Variants in HAAO observed in about 807,000 individuals in gnomAD.
HAAO encodes 3-hydroxyanthranilate oxygenase.
HAAO carries 49 observed loss-of-function variants against 46.2 expected under a neutral mutation model. The ratio of observed to expected loss-of-function variants is 1.06; its 90% CI spans 0.84 to 1.34. HAAO has a LOEUF of 1.34. HAAO is among the 40% of genes most tolerant of loss of function. The probability of loss-of-function intolerance (pLI) is 0.00; values close to 1 mark genes in which losing one functional copy is unlikely to be tolerated. For synonymous variants in HAAO, 157 were observed against 145.2 expected, an observed-to-expected ratio of 1.08 and a Z score of -0.58; for missense variants, 408 against 364.5, an observed-to-expected ratio of 1.12 and a Z score of -0.97.
At chr2:42,768,942 T>C (rs1034778728) in intron 7 of HAAO, among the ~76,000 whole-genome samples, 6 of 152,196 alleles carry the variant, frequency 3.9e-5, no homozygotes, top group Non-Finnish European at 8.8e-5. Context: ...CTGAAACAGC[T>C]CATGCTCATG....
chr2:42,786,023 G>C (rs1672359980), intron 2 of HAAO, among the ~76,000 whole-genome samples: 1 of 91,398 alleles, frequency 1.1e-5, no homozygotes, highest in Non-Finnish European at 2.8e-5. Context: ...GTGTGTGTGT[G>C]TGTGTGTGTG....
In HAAO at chr2:42,767,198, G is replaced by A; in HGVS notation, c.*239C>T. ...AGCGGGGCCGGGGGTAGACCACCTG[G>A]CAAGACTGGCAAGGCAGTGGGCTGA... On this transcript the variant is annotated 3_prime_UTR_variant, in exon 10 of 10. Transcript: ENST00000294973. 1.7e-6 allele frequency: 1 copy of A among 598,380 alleles called. No individual in the cohort carries two copies. The highest frequency in any genetic ancestry group is 1.9e-5 in the South Asian group (1 of 52,060). The allele number at this position is 598,380 out of a possible 1,614,324, so 37.1% of individuals were successfully genotyped here.
intron 2 of HAAO, 78 bp downstream of exon 2, chr2:42,788,451 G>C (rs1672551036): frequency 3.4e-6 from 3 of 891,798 alleles, no homozygotes; most frequent in African/African-American, 1.6e-5. Flanking sequence ...TCTGGGCCTC[G>C]AGTGGGAAGC....
intron 4 of HAAO, among the ~76,000 whole-genome samples, chr2:42,780,693 GTTGCTGA>G (rs1348852087): frequency 6.6e-6 from 1 of 151,982 alleles, no homozygotes; most frequent in Non-Finnish European, 1.5e-5. Flanking sequence ...TGCTTTAAAT[GTTGCTGA>G]TCCTTTGTTT....
intron 4 of HAAO, 24 bp downstream of exon 4, chr2:42,783,290 C>G (rs761194600): frequency 9.0e-5 from 129 of 1,428,822 alleles, no homozygotes; most frequent in Non-Finnish European, 1.2e-4. Flanking sequence ...CTTTCTCTGC[C>G]CCAGCCCTCC....
chr2:42,792,483 G>C lies in HAAO; in HGVS notation c.54C>G (p.Phe18Leu). The C allele has an allele frequency of 6.3e-7, 1 of 1,591,616 alleles. No individual in the cohort carries two copies. The change falls in exon 1 of 10, where the codon TTC becomes TTG. Residue 18 changes from phenylalanine (F) to leucine (L), a missense_variant. Physicochemically the swap from Phe to Leu is conservative, Grantham distance 22 (BLOSUM62 0). Coordinates refer to ENST00000294973, the MANE Select transcript of HAAO (RefSeq NM_012205.3). ...RAWVKENRGS[F>L]QPPVCNKLMH... ...TGAGCTTGTTGCAGACCGGGGGCTG[G>C]AAGGAGCCCCGGTTCTCCTTCACCC... is the stretch of plus-strand genomic sequence containing the variant.
chr2:42,786,562 G>A (rs980928625), intron 2 of HAAO, among the ~76,000 whole-genome samples: 1 of 152,162 alleles, frequency 6.6e-6, no homozygotes. Flanking sequence ...CACCAGACAG[G>A]GGCTGTTGTC....
chr2:42,790,573 C>G lies in HAAO; in HGVS notation c.80+1884G>C, dbSNP rs1331641887. On this transcript the variant is annotated intron_variant, in intron 1 of 9. Coordinates refer to ENST00000294973, the MANE Select transcript of HAAO (RefSeq NM_012205.3). The stretch of plus-strand genomic sequence containing the variant: ...TTTCAGATAGAGTCTTGCTTGCCAC[C>G]CAGGCTGGAATGCAGTGGCACAACT... Among the ~76,000 whole-genome samples, 7 of 151,510 alleles carry G rather than the reference C, an allele frequency of 4.6e-5. No homozygotes were observed. In the East Asian group the frequency reaches 1.4e-3, roughly 29 times the overall value.
At chr2:42,783,956 C>T (rs1363049587) in intron 2 of HAAO, 89 bp from the exon 3 acceptor site, 2 of 1,540,694 alleles carry the variant, frequency 1.3e-6, no homozygotes, top group African/African-American at 2.8e-5. Flanking sequence ...GACCGGGAAA[C>T]CTGAGAAACT....
intron 4 of HAAO, among the ~76,000 whole-genome samples, chr2:42,771,495 G>A (rs1016239965): frequency 6.6e-6 from 1 of 151,858 alleles, no homozygotes; most frequent in African/African-American, 2.4e-5. Flanking sequence ...CCCCAGTTTA[G>A]GGGTTCTTCT....
At chr2:42,772,042 C>G (rs959529597) in intron 4 of HAAO, among the ~76,000 whole-genome samples, 2 of 152,188 alleles carry the variant, frequency 1.3e-5, no homozygotes, top group Non-Finnish European at 2.9e-5. Context: ...TTGAGGACAC[C>G]ATCCTCTCCA....
intron 2 of HAAO, among the ~76,000 whole-genome samples, chr2:42,786,749 C>T (rs1225562787): frequency 6.6e-6 from 1 of 152,122 alleles, no homozygotes; most frequent in African/African-American, 2.4e-5. Flanking sequence ...GTAGGTGGCG[C>T]TGGGGAGTGG....
chr2:42,767,693 A>G lies in HAAO; in HGVS notation c.700-16T>C. The G allele has an allele frequency of 6.4e-7, 1 of 1,570,842 alleles. No individual in the cohort carries two copies. Among genetic ancestry groups the G allele is most frequent in the Non-Finnish European group, 8.7e-7 (1 of 1,155,048 alleles). On this transcript the variant is annotated splice_polypyrimidine_tract_variant and intron_variant, in intron 8 of 9. Transcript: ENST00000294973. Reference sequence around the variant, plus strand: ...AGGAGCCCTCCTGGAGAAGAGGAGCAGGAGAATCAAATGGAGACTGTTGGG... The same window carrying G: ...AGGAGCCCTCCTGGAGAAGAGGAGCGGGAGAATCAAATGGAGACTGTTGGG...
At chr2:42,780,001 C>T (rs1032696807) in intron 4 of HAAO, among the ~76,000 whole-genome samples, 3 of 152,040 alleles carry the variant, frequency 2.0e-5, no homozygotes, top group Middle Eastern at 3.2e-3. Context: ...CTCCTATAAT[C>T]CTGATAAAAC....
chr2:42,785,566 T>G (rs1369644117), intron 2 of HAAO, among the ~76,000 whole-genome samples: 1 of 152,140 alleles, frequency 6.6e-6, no homozygotes, highest in Admixed American at 6.5e-5. Context: ...TTTACTTTCC[T>G]TATTAAAAAA....
chr2:42,789,980 G>A (rs1260308322), intron 1 of HAAO, among the ~76,000 whole-genome samples: 1 of 152,202 alleles, frequency 6.6e-6, no homozygotes, highest in Non-Finnish European at 1.5e-5. Context: ...GGAAGGGGAG[G>A]CGCTGGGTCT....
intron 4 of HAAO, among the ~76,000 whole-genome samples, chr2:42,777,167 G>C (rs1190612058): frequency 1.3e-5 from 2 of 151,700 alleles, no homozygotes. Context: ...GCTGGGTGTG[G>C]TTGTGGGCGC....
intron 4 of HAAO, among the ~76,000 whole-genome samples, chr2:42,777,355 G>A (rs974750433): frequency 1.4e-5 from 2 of 140,582 alleles, no homozygotes; most frequent in East Asian, 4.1e-4. Context: ...GAATGTGAAA[G>A]TCTAAGATAG....
chr2:42,773,584 T>C (rs1048128743), intron 4 of HAAO, among the ~76,000 whole-genome samples: 1 of 84,934 alleles, frequency 1.2e-5, no homozygotes, highest in Non-Finnish European at 2.7e-5. Context: ...CTACCCCCTA[T>C]TTTTTTTTTT....
Sources: gnomAD v4.1 joint callset for allele counts (sites outside exome capture counted in the v4.1 genomes callset) on GRCh38, gnomAD v4.1.1 for gene constraint, MANE v1.5 for transcripts, NCBI Gene and HGNC (gene_info 2026-07-23, HGNC 2026-07-21) for gene names.